The following HPSE2 variants were observed in gnomAD, a reference collection of about 807,000 sequenced individuals.
HPSE2 encodes heparanase 2 (inactive), also known as inactive heparanase-2.
Under a neutral mutation model 60.5 loss-of-function variants are expected in HPSE2, and 38 were observed. The observed-to-expected ratio is 0.63, with a 90% CI of 0.48 to 0.82. HPSE2 has a LOEUF of 0.82. Ranked by LOEUF, HPSE2 falls within the 40% of genes least tolerant of loss-of-function variation. The pLI, the probability that HPSE2 is intolerant of heterozygous loss-of-function variation, is 0.00. For synonymous variants in HPSE2, 295 were observed against 293.2 expected (o/e 1.01, Z -0.06); for missense variants, 713 against 740.4 (o/e 0.96, Z 0.43).
At chr10:99,213,095 G>A (rs926625311) in intron 2 of HPSE2, among the ~76,000 whole-genome samples, 2 of 152,026 alleles carry the variant, frequency 1.3e-5, no homozygotes, top group Non-Finnish European at 2.9e-5. Context: ...GTAGGAAAGA[G>A]AATTGGCACT....
the HPSE2 span, among the ~76,000 whole-genome samples, chr10:99,254,369 C>A: frequency 2.6e-5 from 4 of 151,970 alleles, no homozygotes; most frequent in African/African-American, 9.7e-5. Flanking sequence ...AGAAAGATGA[C>A]AACAATAGAC....
chr10:99,095,816 T>A (rs922811452), intron 3 of HPSE2, among the ~76,000 whole-genome samples: 10 of 152,238 alleles, frequency 6.6e-5, no homozygotes, highest in African/African-American at 2.4e-4. Flanking sequence ...TTAGCAATTA[T>A]GACTAATGCT....
chr10:98,967,587 A>T (rs751388631), intron 3 of HPSE2, among the ~76,000 whole-genome samples: 1 of 152,140 alleles, frequency 6.6e-6, no homozygotes, highest in Non-Finnish European at 1.5e-5. Flanking sequence ...AAATCTGTTG[A>T]CTCTTACATA....
intron 3 of HPSE2, among the ~76,000 whole-genome samples, chr10:98,881,096 C>G (rs1953009921): frequency 6.6e-6 from 1 of 152,064 alleles, no homozygotes; most frequent in African/African-American, 2.4e-5. Flanking sequence ...TGTTTGCTTC[C>G]AGATCTGGGC....
chr10:98,480,274 G>A (rs1941184484), intron 11 of HPSE2, among the ~76,000 whole-genome samples: 1 of 151,910 alleles, frequency 6.6e-6, no homozygotes, highest in South Asian at 2.1e-4. Flanking sequence ...TGTACAGAAG[G>A]GGTTTCACCA....
intron 3 of HPSE2, among the ~76,000 whole-genome samples, chr10:98,922,783 C>T (rs1954320893): frequency 6.6e-6 from 1 of 152,184 alleles, no homozygotes; most frequent in South Asian, 2.1e-4. Flanking sequence ...AAAAACTCCA[C>T]ATGTTAACTT....
At chr10:98,819,420 T>TC (rs2134604846) in intron 3 of HPSE2, among the ~76,000 whole-genome samples, 1 of 87,048 alleles carries the variant, frequency 1.1e-5, no homozygotes, top group Admixed American at 1.2e-4. Flanking sequence ...CTACAATCAT[T>TC]CTTTTTTTTT....
chr10:98,714,496 A>G, intron 5 of HPSE2, among the ~76,000 whole-genome samples: 1 of 151,988 alleles, frequency 6.6e-6, no homozygotes, highest in African/African-American at 2.4e-5. Context: ...AGTGACCATA[A>G]TATTTTTAAG....
At chr10:99,220,350 C>A (rs1394616671) in intron 2 of HPSE2, among the ~76,000 whole-genome samples, 1 of 151,676 alleles carries the variant, frequency 6.6e-6, no homozygotes, top group Non-Finnish European at 1.5e-5. Context: ...CACTGAAAAA[C>A]ACACCATAAT....
chr10:98,555,556 C>T (rs978567408), intron 9 of HPSE2, among the ~76,000 whole-genome samples: 2 of 152,236 alleles, frequency 1.3e-5, no homozygotes, highest in Non-Finnish European at 2.9e-5. Flanking sequence ...CTTGCAGTTA[C>T]AGTAAAGTCT....
chr10:99,259,485 A>G, the HPSE2 span, among the ~76,000 whole-genome samples: 8 of 152,208 alleles, frequency 5.3e-5, no homozygotes, highest in African/African-American at 1.7e-4. Flanking sequence ...ATTTAAACAG[A>G]TACTTTGCCA....
intron 4 of HPSE2, among the ~76,000 whole-genome samples, chr10:98,723,826 T>G (rs192368216): frequency 3.3e-5 from 5 of 152,314 alleles, no homozygotes; most frequent in Middle Eastern, 3.4e-3. Flanking sequence ...TTTGTCATTT[T>G]TTATTGCGTC....
chr10:98,995,207 A>G (rs187237807), intron 3 of HPSE2, among the ~76,000 whole-genome samples: 65 of 152,244 alleles, frequency 4.3e-4, no homozygotes, highest in Non-Finnish European at 8.2e-4. Context: ...TGGCTCCTCT[A>G]CATGGAGAAG....
At chr10:98,548,393 T>A (rs1186423043) in intron 9 of HPSE2, among the ~76,000 whole-genome samples, 1 of 152,100 alleles carries the variant, frequency 6.6e-6, no homozygotes, top group African/African-American at 2.4e-5. Flanking sequence ...GAGTTGGGCA[T>A]ATGGCTTGAG....
At chr10:98,630,662 T>C (rs1239013177) in intron 7 of HPSE2, among the ~76,000 whole-genome samples, 1 of 152,176 alleles carries the variant, frequency 6.6e-6, no homozygotes, top group Non-Finnish European at 1.5e-5. Flanking sequence ...TCTTTGGACC[T>C]ACCTCTGACC....
At chr10:98,465,032 C>T (rs1325155308) in intron 11 of HPSE2, among the ~76,000 whole-genome samples, 3 of 152,258 alleles carry the variant, frequency 2.0e-5, no homozygotes, top group Admixed American at 1.3e-4. Context: ...AGTCCTCATA[C>T]ATCCTTATCC....
chr10:99,163,648 G>C (rs1846938188), intron 2 of HPSE2, among the ~76,000 whole-genome samples: 1 of 152,110 alleles, frequency 6.6e-6, no homozygotes, highest in African/African-American at 2.4e-5. Flanking sequence ...GATTTCACCA[G>C]TTTTTCTACT....
chr10:98,466,512 G>A (rs1940538377), intron 11 of HPSE2, among the ~76,000 whole-genome samples: 1 of 151,776 alleles, frequency 6.6e-6, no homozygotes, highest in Non-Finnish European at 1.5e-5. Flanking sequence ...TCAGGAGGCT[G>A]AGGCAGGAGA....
chr10:98,540,080 G>A (rs1943411976), intron 9 of HPSE2, among the ~76,000 whole-genome samples: 1 of 152,192 alleles, frequency 6.6e-6, no homozygotes, highest in Non-Finnish European at 1.5e-5. Flanking sequence ...AAGTTGGTAT[G>A]AGTCAATGGT....
Sources: gnomAD v4.1 joint callset for allele counts (sites outside exome capture counted in the v4.1 genomes callset) on GRCh38, gnomAD v4.1.1 for gene constraint, MANE v1.5 for transcripts, NCBI Gene and HGNC (gene_info 2026-07-23, HGNC 2026-07-21) for gene names.